EPC2: variants seen among roughly 807,000 people sequenced by gnomAD.
EPC2 encodes the protein enhancer of polycomb homolog 2.
A neutral mutation model predicts 92.1 loss-of-function variants in EPC2; 14 were observed. That is an observed-to-expected ratio of 0.15 (90% confidence interval 0.10 to 0.24). EPC2 has a LOEUF of 0.24. Ranked by LOEUF, EPC2 falls within the 10% of genes least tolerant of loss-of-function variation. The probability of loss-of-function intolerance (pLI) is 1.00; values close to 1 mark genes in which losing one functional copy is unlikely to be tolerated. For synonymous variants in EPC2, 340 were observed against 334.7 expected (o/e 1.02, Z -0.17); for missense variants, 755 against 971.5 (o/e 0.78, Z 2.96).
chr2:148,711,270 T>A (rs1682138733), intron 2 of EPC2, among the ~76,000 whole-genome samples: 1 of 152,112 alleles, frequency 6.6e-6, no homozygotes, highest in Non-Finnish European at 1.5e-5. Flanking sequence ...GGTGTTAAAT[T>A]TTCATTTTCA....
intron 2 of EPC2, among the ~76,000 whole-genome samples, chr2:148,737,348 T>C (rs1327350255): frequency 6.6e-6 from 1 of 152,234 alleles, no homozygotes; most frequent in Non-Finnish European, 1.5e-5. Context: ...GTCCTATCTA[T>C]AAAATTAAAT....
rs1007583156 is a variant in EPC2 at position 148,661,773 on chromosome 2, A to AT, written c.153+16611dup. On this transcript the variant is annotated intron_variant, in intron 1 of 13. Coordinates refer to ENST00000258484, the MANE Select transcript of EPC2 (RefSeq NM_015630.4). ...ATGAATGAGTGTTGAATATTCTCAA[A>AT]TTTTTTTTGGCATCTGTGGAGATTA... 9.3e-4 allele frequency among the ~76,000 whole-genome samples: 142 copies of AT among 151,968 alleles called. 1 individual carries two copies. Among genetic ancestry groups the AT allele is most frequent in the African/African-American group, 3.1e-3 (127 of 41,478 alleles).
At chr2:148,723,103 T>C (rs1682416283) in intron 2 of EPC2, among the ~76,000 whole-genome samples, 1 of 152,094 alleles carries the variant, frequency 6.6e-6, no homozygotes, top group South Asian at 2.1e-4. Context: ...GATAAAATAG[T>C]CTGTATATCA....
chr2:148,693,233 A>G (rs1410296174), intron 2 of EPC2, among the ~76,000 whole-genome samples: 2 of 152,180 alleles, frequency 1.3e-5, no homozygotes, highest in Admixed American at 1.3e-4. Flanking sequence ...TTTTAATGAT[A>G]GATTAGAGAG....
intron 1 of EPC2, among the ~76,000 whole-genome samples, chr2:148,647,263 C>T (rs1683822499): frequency 6.6e-6 from 1 of 152,120 alleles, no homozygotes; most frequent in African/African-American, 2.4e-5. Context: ...GTAATTTTTT[C>T]ATGCTTCATT....
At chr2:148,786,010 G>A (rs184807815) in intron 13 of EPC2, among the ~76,000 whole-genome samples, 20 of 151,874 alleles carry the variant, frequency 1.3e-4, no homozygotes, top group African/African-American at 4.6e-4. Context: ...AACTTGGTTT[G>A]TCCTGTGATA....
intron 1 of EPC2, among the ~76,000 whole-genome samples, chr2:148,673,310 C>T (rs1486731407): frequency 1.3e-5 from 2 of 152,084 alleles, no homozygotes; most frequent in Non-Finnish European, 2.9e-5. Flanking sequence ...TTCTTAAGCT[C>T]CTATAATGTG....
intron 1 of EPC2, among the ~76,000 whole-genome samples, chr2:148,683,251 G>A (rs908250822): frequency 6.6e-6 from 1 of 151,332 alleles, no homozygotes; most frequent in Non-Finnish European, 1.5e-5. Context: ...TTCCTGCCAA[G>A]TCTCCAAAGT....
At chr2:148,698,067 T>A (rs77573599) in intron 2 of EPC2, among the ~76,000 whole-genome samples, 3,822 of 152,184 alleles carry the variant, frequency 0.025, 57 homozygotes, top group East Asian at 0.031. Flanking sequence ...TTACTGTACC[T>A]TTCATGGTTT....
chr2:148,727,969 C>A (rs1399550569), intron 2 of EPC2, among the ~76,000 whole-genome samples: 1 of 152,182 alleles, frequency 6.6e-6, no homozygotes, highest in Non-Finnish European at 1.5e-5. Flanking sequence ...GGGTTTCAAG[C>A]ACATAGGAAT....
intron 1 of EPC2, among the ~76,000 whole-genome samples, chr2:148,668,594 TA>T (rs1295691109): frequency 1.3e-5 from 2 of 152,220 alleles, no homozygotes; most frequent in African/African-American, 4.8e-5. Context: ...TGTGAACTTT[TA>T]AAGTTCAGTT....
At chr2:148,675,952 G>GT (rs1462728334) in intron 1 of EPC2, among the ~76,000 whole-genome samples, 1 of 152,132 alleles carries the variant, frequency 6.6e-6, no homozygotes, top group Non-Finnish European at 1.5e-5. Context: ...CATGAACTTG[G>GT]TAAGATGGAA....
At chr2:148,714,913 T>C (rs1193782364) in intron 2 of EPC2, among the ~76,000 whole-genome samples, 2 of 152,178 alleles carry the variant, frequency 1.3e-5, no homozygotes, top group Non-Finnish European at 2.9e-5. Flanking sequence ...TTAGTTTAAT[T>C]AGATTCCATT....
intron 4 of EPC2, among the ~76,000 whole-genome samples, chr2:148,757,863 T>C (rs1683221900): frequency 6.6e-6 from 1 of 151,512 alleles, no homozygotes; most frequent in South Asian, 2.1e-4. Context: ...ATATATAAAA[T>C]AAAATACTGT....
chr2:148,767,273 A>C (rs1443824135), intron 7 of EPC2, among the ~76,000 whole-genome samples: 2 of 151,462 alleles, frequency 1.3e-5, no homozygotes, highest in African/African-American at 2.4e-5. Context: ...GAATCAGTAC[A>C]TCCAGCCTGA....
In EPC2 at chr2:148,728,335, G is replaced by A. The variant is rs575788411; in HGVS notation, c.314-15287G>A. ...TTTGTTTGTTTTGCTTAATAATATA[G>A]TCTCAAAATTATCCTATATTAATAT... On this transcript the variant is annotated intron_variant, in intron 2 of 13. Coordinates refer to ENST00000258484, the MANE Select transcript of EPC2 (RefSeq NM_015630.4). Among the ~76,000 whole-genome samples, 11 of 151,174 alleles carry A rather than the reference G, an allele frequency of 7.3e-5. No individual in the cohort carries two copies. In the South Asian group the frequency reaches 2.3e-3, roughly 31 times the overall value.
At chr2:148,750,918 A>AC (rs1223682991) in intron 3 of EPC2, among the ~76,000 whole-genome samples, 4 of 152,122 alleles carry the variant, frequency 2.6e-5, no homozygotes, top group Non-Finnish European at 5.9e-5. Context: ...TCAACCCTGA[A>AC]CACAGTATAG....
intron 1 of EPC2, among the ~76,000 whole-genome samples, chr2:148,657,815 C>T (rs1433535036): frequency 6.6e-6 from 1 of 152,006 alleles, no homozygotes; most frequent in Admixed American, 6.6e-5. Context: ...TTTTACCACA[C>T]CTTTCAGGGC....
intron 1 of EPC2, among the ~76,000 whole-genome samples, chr2:148,658,733 A>G (rs948363666): frequency 6.6e-6 from 1 of 151,864 alleles, no homozygotes; most frequent in Non-Finnish European, 1.5e-5. Context: ...ACAGTTTGAA[A>G]AACGCTGCTT....
Sources: gnomAD v4.1 joint callset for allele counts (sites outside exome capture counted in the v4.1 genomes callset) on GRCh38, gnomAD v4.1.1 for gene constraint, MANE v1.5 for transcripts, NCBI Gene and HGNC (gene_info 2026-07-23, HGNC 2026-07-21) for gene names.